DACH2: variants seen among roughly 807,000 people sequenced by gnomAD.
The protein encoded by DACH2 is dachshund homolog 2.
A neutral mutation model predicts 35.8 loss-of-function variants in DACH2; 17 were observed. The observed-to-expected ratio is 0.48, with a 90% confidence interval of 0.33 to 0.71. The LOEUF (loss-of-function observed/expected upper bound fraction) is 0.71. DACH2 is among the 30% of genes least tolerant of loss of function. The pLI is 0.02. For missense variants in DACH2, 469 were observed against 472.7 expected (o/e 0.99, Z 0.07); for synonymous variants, 195 against 177.3 (o/e 1.10, Z -0.79).
At chrX:86,622,519 C>A (rs190561102) in intron 3 of DACH2, among the ~76,000 whole-genome samples, 20 of 111,185 alleles carry the variant, frequency 1.8e-4, no homozygotes, top group African/African-American at 6.2e-4. Flanking sequence ...AGACAAGAAT[C>A]AAAAGGAAGC....
chrX:86,394,693 A>G (rs907111736), intron 2 of DACH2, among the ~76,000 whole-genome samples: 7 of 112,052 alleles, frequency 6.2e-5, no homozygotes, highest in African/African-American at 2.3e-4. Flanking sequence ...ATTTTTAAAA[A>G]TGAAATAAGC....
intron 1 of DACH2, among the ~76,000 whole-genome samples, chrX:86,179,103 C>G (rs1212909264): frequency 9.0e-6 from 1 of 111,175 alleles, no homozygotes; most frequent in Non-Finnish European, 1.9e-5. Flanking sequence ...ACACATGTAC[C>G]CTCCCAAGGC....
rs185471234 is a variant in DACH2 at position 86,360,267 on chromosome X, A to G, written c.489-16557A>G. Among the ~76,000 whole-genome samples the G allele has an allele frequency of 4.0e-3, 440 of 110,697 alleles. 2 individuals carry two copies. The highest frequency in any genetic ancestry group is 0.014 in the African/African-American group (415 of 30,514). ...ACACAGAATCAGATGTTTATATATC[A>G]TCATTATTGCCAGCCTACAGAATGA... On this transcript the variant is annotated intron_variant, in intron 1 of 11. Coordinates refer to ENST00000373125, the MANE Select transcript of DACH2 (RefSeq NM_053281.3).
chrX:86,313,578 C>G (rs1301929063), intron 1 of DACH2, among the ~76,000 whole-genome samples: 1 of 112,227 alleles, frequency 8.9e-6, no homozygotes, highest in Non-Finnish European at 1.9e-5. Context: ...TTTCAAACAT[C>G]ACTTTCCTCA....
intron 1 of DACH2, among the ~76,000 whole-genome samples, chrX:86,286,627 AT>A (rs917069121): frequency 2.7e-5 from 3 of 110,304 alleles, no homozygotes; most frequent in African/African-American, 9.9e-5. Context: ...GACCCCTTGT[AT>A]TTTTTTGCTT....
rs1319210252 is a variant in DACH2 at position 86,196,943 on chromosome X, C to T, written c.488+47835C>T. Among the ~76,000 whole-genome samples the T allele has an allele frequency of 5.5e-5, 6 of 109,459 alleles. No homozygotes were observed. In the South Asian group the frequency reaches 1.6e-3, roughly 29 times the overall value. On this transcript the variant is annotated intron_variant, in intron 1 of 11. Transcript: ENST00000373125. ...AAGATACTTCAAAAGAAGACCATCC[C>T]GAAGACACATAATCATCAGATTCTC... is the stretch of plus-strand genomic sequence containing the variant.
intron 7 of DACH2, among the ~76,000 whole-genome samples, chrX:86,750,007 A>G (rs183624982): frequency 1.6e-3 from 174 of 110,420 alleles, no homozygotes; most frequent in African/African-American, 5.3e-3. Flanking sequence ...TTTCTTTAAG[A>G]ATTTTCTCTA....
chrX:86,453,179 A>G (rs995783488), intron 2 of DACH2, among the ~76,000 whole-genome samples: 1 of 111,913 alleles, frequency 8.9e-6, no homozygotes. Context: ...GTGGTCTGAA[A>G]GACTGTTATG....
chrX:86,755,746 C>T (rs897182644), intron 7 of DACH2, among the ~76,000 whole-genome samples: 10 of 108,031 alleles, frequency 9.3e-5, no homozygotes, highest in East Asian at 2.9e-4. Context: ...TACAGGCGCC[C>T]GCCACCACAC....
At chrX:86,630,975 A>T (rs746733905) in intron 3 of DACH2, among the ~76,000 whole-genome samples, 179 of 112,108 alleles carry the variant, frequency 1.6e-3, no homozygotes, top group African/African-American at 5.2e-3. Flanking sequence ...ATCTATCTGT[A>T]ACTCAACAGA....
chrX:86,374,770 A>G (rs1472710151), intron 1 of DACH2, among the ~76,000 whole-genome samples: 1 of 110,827 alleles, frequency 9.0e-6, no homozygotes, highest in African/African-American at 3.3e-5. Context: ...GACAAAGAGG[A>G]AATAGAAGGA....
chrX:86,587,564 C>G (rs184220881), intron 3 of DACH2, among the ~76,000 whole-genome samples: 182 of 110,800 alleles, frequency 1.6e-3, no homozygotes, highest in African/African-American at 5.3e-3. Flanking sequence ...ATCGATGGCT[C>G]TAATTTTGAT....
chrX:86,208,540 A>AT (rs2032370709), intron 1 of DACH2, among the ~76,000 whole-genome samples: 1 of 111,661 alleles, frequency 9.0e-6, no homozygotes, highest in South Asian at 3.7e-4. Flanking sequence ...GACCATAAAA[A>AT]ATATTAGCAC....
At chrX:86,411,690 C>A (rs966182794) in intron 2 of DACH2, among the ~76,000 whole-genome samples, 1 of 111,535 alleles carries the variant, frequency 9.0e-6, no homozygotes, top group Non-Finnish European at 1.9e-5. Context: ...TTAGTACAAG[C>A]GTATACATGC....
At chrX:86,795,231 TC>T (rs761264317) in intron 7 of DACH2, among the ~76,000 whole-genome samples, 2 of 65,612 alleles carry the variant, frequency 3.0e-5, no homozygotes, top group Admixed American at 2.8e-4. Flanking sequence ...GGAAGCATGT[TC>T]TTTTTTTTTT....
intron 3 of DACH2, among the ~76,000 whole-genome samples, chrX:86,619,073 T>C (rs539904256): frequency 3.6e-5 from 4 of 112,264 alleles, no homozygotes; most frequent in African/African-American, 1.3e-4. Context: ...AAATGAATTT[T>C]GCCAATTGGA....
At chrX:86,546,413 T>TC (rs1447397936) in intron 3 of DACH2, among the ~76,000 whole-genome samples, 8 of 90,846 alleles carry the variant, frequency 8.8e-5, no homozygotes, top group Non-Finnish European at 1.3e-4. Context: ...TCCTTCTTCT[T>TC]CTTCTTTCTT....
chrX:86,453,509 A>G (rs1480341626), intron 2 of DACH2, among the ~76,000 whole-genome samples: 1 of 111,816 alleles, frequency 8.9e-6, no homozygotes, highest in Non-Finnish European at 1.9e-5. Flanking sequence ...TATTGGTTGC[A>G]TATATATTTA....
intron 2 of DACH2, among the ~76,000 whole-genome samples, chrX:86,398,103 T>C (rs190680025): frequency 3.2e-4 from 36 of 112,260 alleles, no homozygotes; most frequent in African/African-American, 1.1e-3. Flanking sequence ...AACTTCTTCC[T>C]GGTTTAGTCT....
Sources: allele counts gnomAD v4.1 joint callset (sites outside exome capture counted in the v4.1 genomes callset), GRCh38; gene constraint gnomAD v4.1.1; transcripts MANE v1.5; gene names NCBI Gene and HGNC (gene_info 2026-07-23, HGNC 2026-07-21).